Variants in GRIN2B observed in about 807,000 individuals in gnomAD.
GRIN2B encodes the protein glutamate ionotropic receptor NMDA type subunit 2B.
Under a neutral mutation model 114.5 loss-of-function variants are expected in GRIN2B, and 5 were observed. The observed-to-expected ratio is 0.04, with a 90% CI of 0.02 to 0.09. GRIN2B has a LOEUF of 0.09. Ranked by LOEUF, GRIN2B falls within the 10% of genes least tolerant of loss-of-function variation. The pLI, the probability that GRIN2B is intolerant of heterozygous loss-of-function variation, is 1.00. For synonymous variants in GRIN2B, 787 were observed against 745.1 expected (o/e 1.06, Z -0.92); for missense variants, 1,108 against 1,943.5 (o/e 0.57, Z 8.08).
At chr12:13,571,286 C>T (rs960982207) in intron 11 of GRIN2B, among the ~76,000 whole-genome samples, 2 of 152,142 alleles carry the variant, frequency 1.3e-5, no homozygotes, top group African/African-American at 2.4e-5. Flanking sequence ...CAAGCCAACA[C>T]ATGTGTAGGT....
intron 5 of GRIN2B, among the ~76,000 whole-genome samples, chr12:13,667,028 TG>T (rs1249516310): frequency 1.3e-5 from 2 of 152,210 alleles, no homozygotes; most frequent in Non-Finnish European, 2.9e-5. Flanking sequence ...CTCTCCCTTC[TG>T]GGTCATGTAT....
intron 2 of GRIN2B, among the ~76,000 whole-genome samples, chr12:13,875,021 G>C (rs1014565519): frequency 2.6e-5 from 4 of 152,054 alleles, no homozygotes; most frequent in African/African-American, 9.7e-5. Flanking sequence ...CATCACCTTG[G>C]TATTAAGCCC....
In GRIN2B at chr12:13,544,237, C is replaced by G. The variant is rs1007871199; in HGVS notation, c.*18546G>C. 3 of 152,190 alleles carry G rather than the reference C, an allele frequency of 2.0e-5. No homozygotes were observed. Among genetic ancestry groups the G allele is most frequent in the Non-Finnish European group, 4.4e-5 (3 of 68,074 alleles). The allele number at this position is 152,190 out of a possible 1,614,324, so 9.4% of individuals were successfully genotyped here. A position where few individuals can be genotyped will look rare whatever the true frequency, so the allele number is the denominator to read the frequency against. On this transcript the variant is annotated 3_prime_UTR_variant, in exon 14 of 14. Transcript: ENST00000609686. ...CCCCCACCAGTCCACTGAAACAGCT[C>G]TCTTCCAGGTCATCAATGGGATGAC... is the stretch of plus-strand genomic sequence containing the variant.
At chr12:13,657,596 G>A (rs1334411829) in intron 5 of GRIN2B, among the ~76,000 whole-genome samples, 4 of 152,154 alleles carry the variant, frequency 2.6e-5, no homozygotes, top group African/African-American at 9.7e-5. Context: ...GCCAACAAAT[G>A]CCAGATCTTC....
At chr12:13,739,412 G>GA (rs1565519594) in intron 4 of GRIN2B, among the ~76,000 whole-genome samples, 1 of 133,900 alleles carries the variant, frequency 7.5e-6, no homozygotes, top group Non-Finnish European at 1.5e-5. Flanking sequence ...AGAAGAAAAG[G>GA]AAAAAAAAAG....
intron 2 of GRIN2B, among the ~76,000 whole-genome samples, chr12:13,961,083 C>CTTT (rs532043399): frequency 2.1e-5 from 3 of 145,176 alleles, no homozygotes; most frequent in Non-Finnish European, 4.6e-5. Context: ...ATTCTGACGA[C>CTTT]TTTTTTTTTT....
Position 13,558,050 on chromosome 12 carries a change from C to T in GRIN2B, c.*4733G>A, listed in dbSNP as rs1285462442. The T allele has an allele frequency of 6.6e-6, 1 of 152,188 alleles. No homozygotes were observed. The highest frequency in any genetic ancestry group is 1.5e-5 in the Non-Finnish European group (1 of 68,054). 9.4% of individuals were successfully genotyped at this position (152,188 alleles called of 1,614,324 possible). On this transcript the variant is annotated 3_prime_UTR_variant, in exon 14 of 14. Transcript: ENST00000609686. The stretch of plus-strand genomic sequence containing the variant: ...ATAGCATACATAAGGCCAGACCCAT[C>T]CCAGTGTGACTATTCACTTTCAGCT...
At chr12:13,771,681 G>GC (rs1185130605) in intron 3 of GRIN2B, among the ~76,000 whole-genome samples, 4 of 152,236 alleles carry the variant, frequency 2.6e-5, no homozygotes, top group Non-Finnish European at 4.4e-5. Context: ...ACAGTGCCTA[G>GC]CACACAGTAA....
intron 2 of GRIN2B, among the ~76,000 whole-genome samples, chr12:13,873,718 A>G (rs1865949404): frequency 6.6e-6 from 1 of 152,136 alleles, no homozygotes; most frequent in Admixed American, 6.5e-5. Flanking sequence ...AGAAAGAAAT[A>G]TCTCCCTGGA....
intron 2 of GRIN2B, chr12:13,977,541 C>T (rs1863046230): frequency 6.6e-6 from 1 of 152,166 alleles, no homozygotes; most frequent in Non-Finnish European, 1.5e-5. Context: ...GGAGGTTCCT[C>T]GATTGAAATT....
intron 4 of GRIN2B, among the ~76,000 whole-genome samples, chr12:13,694,525 G>A (rs2136561479): frequency 6.6e-6 from 1 of 151,538 alleles, no homozygotes; most frequent in South Asian, 2.1e-4. Flanking sequence ...GGATCAGAAG[G>A]TGACTCATTT....
chr12:13,578,548 C>T (rs1049911490), intron 10 of GRIN2B, among the ~76,000 whole-genome samples: 2 of 152,152 alleles, frequency 1.3e-5, no homozygotes, highest in African/African-American at 4.8e-5. Flanking sequence ...TCCAGCCCAG[C>T]CTCCCACTGA....
rs1948556952 is a variant in GRIN2B at position 13,562,428 on chromosome 12, TTCAC to T, written c.*351_*354del. 1 of 265,572 alleles carries T rather than the reference TTCAC, an allele frequency of 3.8e-6. No homozygotes were observed. Among genetic ancestry groups the T allele is most frequent in the Admixed American group, 4.9e-5 (1 of 20,462 alleles). The allele number at this position is 265,572 out of a possible 1,614,324, so 16.5% of individuals were successfully genotyped here. A position where few individuals can be genotyped will look rare whatever the true frequency, so the allele number is the denominator to read the frequency against. ...ATAGCCTCTTTTTGGTTCTCCCAGC[TTCAC>T]TCAAAGAGGATATCAAGGAGCTCTT... is the stretch of plus-strand genomic sequence containing the variant. On this transcript the variant is annotated 3_prime_UTR_variant, in exon 14 of 14. Coordinates refer to ENST00000609686, the MANE Select transcript of GRIN2B (RefSeq NM_000834.5).
chr12:13,950,855 C>T (rs1867466686), intron 2 of GRIN2B, among the ~76,000 whole-genome samples: 3 of 152,150 alleles, frequency 2.0e-5, no homozygotes, highest in Admixed American at 1.3e-4. Flanking sequence ...AATTTTAATA[C>T]CTCCAGAATC....
At chr12:13,845,420 C>T (rs1206968676) in intron 3 of GRIN2B, among the ~76,000 whole-genome samples, 1 of 152,122 alleles carries the variant, frequency 6.6e-6, no homozygotes, top group East Asian at 1.9e-4. Context: ...TTGCCCTTGT[C>T]CTCACCTCTA....
At chr12:13,842,226 A>G (rs1352449859) in intron 3 of GRIN2B, among the ~76,000 whole-genome samples, 1 of 152,236 alleles carries the variant, frequency 6.6e-6, no homozygotes, top group Non-Finnish European at 1.5e-5. Flanking sequence ...TCATTATGTT[A>G]CAGTTCAGAC....
intron 3 of GRIN2B, among the ~76,000 whole-genome samples, chr12:13,759,093 T>C (rs542354513): frequency 1.4e-5 from 2 of 145,996 alleles, no homozygotes; most frequent in South Asian, 4.5e-4. Context: ...CTGTAACCTC[T>C]GCCTCTCAGG....
intron 2 of GRIN2B, among the ~76,000 whole-genome samples, chr12:13,921,248 A>G (rs976304637): frequency 6.6e-6 from 1 of 151,970 alleles, no homozygotes; most frequent in Non-Finnish European, 1.5e-5. Context: ...AATACAACAC[A>G]TTAGCCAGCT....
chr12:13,748,657 AAGTTATC>A (rs1591710049), intron 4 of GRIN2B, among the ~76,000 whole-genome samples: 1 of 152,180 alleles, frequency 6.6e-6, no homozygotes, highest in African/African-American at 2.4e-5. Context: ...CAATCAAATA[AAGTTATC>A]AGTTGGAATA....
Sources: allele counts gnomAD v4.1 joint callset (sites outside exome capture counted in the v4.1 genomes callset), GRCh38; gene constraint gnomAD v4.1.1; transcripts MANE v1.5; gene names NCBI Gene and HGNC (gene_info 2026-07-23, HGNC 2026-07-21).